SRGAP2B: variants seen among roughly 807,000 people sequenced by gnomAD.
The protein encoded by SRGAP2B is SLIT-ROBO Rho GTPase-activating protein 2B.
SRGAP2B carries 9 observed loss-of-function variants against 22.2 expected under a neutral mutation model. The ratio of observed to expected loss-of-function variants is 0.41; its 90% CI spans 0.24 to 0.71. SRGAP2B has a LOEUF of 0.71. SRGAP2B is among the 30% of genes least tolerant of loss of function. The pLI, the probability that SRGAP2B is intolerant of heterozygous loss-of-function variation, is 0.35. For missense variants in SRGAP2B, 114 were observed against 235.8 expected (o/e 0.48, Z 3.38); for synonymous variants, 36 against 87.4 (o/e 0.41, Z 3.28).
chr1:144,915,457 G>A lies in SRGAP2B; in HGVS notation c.424-703C>T, dbSNP rs1663798383. On this transcript the variant is annotated intron_variant, in intron 4 of 9. Transcript: ENST00000612199. ...ATAAACAATGAGGGCTGGGCACGGT[G>A]GCTCACACCTGTAATCCCAGCACTT... Among the ~76,000 whole-genome samples, 3 of 150,706 alleles carry A rather than the reference G, an allele frequency of 2.0e-5. 1 individual carries two copies. The highest frequency in any genetic ancestry group is 7.5e-5 in the African/African-American group (3 of 40,230).
chr1:144,912,135 G>A (rs1487082887), intron 5 of SRGAP2B, among the ~76,000 whole-genome samples: 2 of 147,280 alleles, frequency 1.4e-5, no homozygotes, highest in African/African-American at 5.2e-5. Context: ...TGTATTTTTA[G>A]TAGAGACAGG....
chr1:144,924,686 C>T (rs1447301826), intron 4 of SRGAP2B, among the ~76,000 whole-genome samples: 5 of 149,400 alleles, frequency 3.3e-5, no homozygotes, highest in Admixed American at 6.6e-5. Flanking sequence ...GAGCCAAGAT[C>T]GCACCACTGC....
intron 4 of SRGAP2B, among the ~76,000 whole-genome samples, chr1:144,929,932 T>C (rs1490705242): frequency 1.3e-5 from 2 of 149,964 alleles, no homozygotes; most frequent in Non-Finnish European, 1.5e-5. Flanking sequence ...CCTGGGCCCC[T>C]GGGCCTTAAA....
At chr1:145,088,718 ATGCCC>A (rs1653670914) in intron 2 of SRGAP2B, among the ~76,000 whole-genome samples, 1 of 141,272 alleles carries the variant, frequency 7.1e-6, no homozygotes, top group African/African-American at 2.6e-5. Context: ...CCTGGTAACC[ATGCCC>A]TGCACCTTAC....
At chr1:144,985,150 T>C (rs1333385178) in intron 3 of SRGAP2B, among the ~76,000 whole-genome samples, 1 of 128,044 alleles carries the variant, frequency 7.8e-6, no homozygotes, top group Non-Finnish European at 1.6e-5. Context: ...ATTTGTATTC[T>C]TGTATTTGAA....
chr1:144,931,521 C>T (rs1330860520), intron 4 of SRGAP2B, among the ~76,000 whole-genome samples: 2 of 150,496 alleles, frequency 1.3e-5, no homozygotes, highest in Admixed American at 1.3e-4. Flanking sequence ...ATATATTCTG[C>T]AGAAAAGGTT....
intron 3 of SRGAP2B, among the ~76,000 whole-genome samples, chr1:144,984,365 C>A (rs58774786): frequency 0.045 from 5,606 of 125,540 alleles, 371 homozygotes; most frequent in African/African-American, 0.12. Flanking sequence ...ACAACAACAA[C>A]AAAAAAAAAA....
intron 3 of SRGAP2B, among the ~76,000 whole-genome samples, chr1:144,956,428 G>GTGCTCA (rs1218825415): frequency 2.2e-5 from 3 of 136,792 alleles, no homozygotes; most frequent in East Asian, 4.1e-4. Flanking sequence ...CTAAACCAAG[G>GTGCTCA]TGCTCATTCC....
At chr1:144,994,567 T>TGTGAGAGAGA (rs72366347) in intron 3 of SRGAP2B, among the ~76,000 whole-genome samples, 5 of 122,488 alleles carry the variant, frequency 4.1e-5, no homozygotes, top group South Asian at 2.8e-4. Flanking sequence ...TGTGTGTGTG[T>TGTGAGAGAGA]GAGAGAGAGA....
intron 4 of SRGAP2B, among the ~76,000 whole-genome samples, chr1:144,922,526 A>AT (rs1664328271): frequency 2.0e-5 from 3 of 148,428 alleles, no homozygotes; most frequent in African/African-American, 7.8e-5. Flanking sequence ...AGGAAAGAAA[A>AT]CAAAAAAACA....
intron 4 of SRGAP2B, among the ~76,000 whole-genome samples, chr1:144,954,319 G>A (rs1243358133): frequency 6.6e-6 from 1 of 151,656 alleles, no homozygotes; most frequent in Non-Finnish European, 1.5e-5. Flanking sequence ...ATTAATTCCA[G>A]ATCTAGTGAA....
intron 4 of SRGAP2B, among the ~76,000 whole-genome samples, chr1:144,951,535 T>C (rs1314736401): frequency 1.3e-5 from 2 of 148,176 alleles, no homozygotes; most frequent in Non-Finnish European, 3.0e-5. Context: ...ACAGCGATGA[T>C]GACAATAGTA....
intron 4 of SRGAP2B, among the ~76,000 whole-genome samples, chr1:144,933,467 C>A (rs1157257279): frequency 1.4e-5 from 2 of 141,894 alleles, no homozygotes; most frequent in African/African-American, 5.5e-5. Context: ...ATCCTTAACT[C>A]TTTCTCCTCT....
At chr1:144,938,602 A>G (rs1665804977) in intron 4 of SRGAP2B, among the ~76,000 whole-genome samples, 1 of 149,284 alleles carries the variant, frequency 6.7e-6, no homozygotes, top group Non-Finnish European at 1.5e-5. Context: ...ACCACCCTAT[A>G]TAAAAGAGCA....
At chr1:145,045,245 C>G (rs1428658206) in intron 2 of SRGAP2B, among the ~76,000 whole-genome samples, 6 of 110,486 alleles carry the variant, frequency 5.4e-5, no homozygotes, top group African/African-American at 1.1e-4. Flanking sequence ...TGCAGCGAGC[C>G]GAGATCTAGC....
intron 2 of SRGAP2B, among the ~76,000 whole-genome samples, chr1:145,007,364 GATTGGTTAACAAA>G (rs1553621289): frequency 6.6e-6 from 1 of 150,424 alleles, no homozygotes; most frequent in Non-Finnish European, 1.5e-5. Context: ...TGGCAATGTT[GATTGGTTAACAAA>G]AAGAATCCCC....
In SRGAP2B at chr1:144,975,343, AT is replaced by A. The variant is rs1355224769; in HGVS notation, c.260+19664del. ...ATCTGGTTTGTTCCCTCCAAAACTC[AT>A]GTTGAAATTTGATTGCAATTGCAAG... is the stretch of plus-strand genomic sequence containing the variant. On this transcript the variant is annotated intron_variant, in intron 3 of 9. Transcript: ENST00000612199. 2.0e-5 allele frequency among the ~76,000 whole-genome samples: 3 copies of A among 149,206 alleles called. No homozygotes were observed. The East Asian group carries it at 5.8e-4, about 29-fold the overall frequency.
intron 4 of SRGAP2B, among the ~76,000 whole-genome samples, chr1:144,948,738 CTCTTT>C (rs1186842394): frequency 4.1e-5 from 1 of 24,540 alleles, no homozygotes; most frequent in African/African-American, 2.1e-4. Flanking sequence ...TGACCTTCCT[CTCTTT>C]TATCTGTAAT....
In SRGAP2B at chr1:144,974,906, G is replaced by T. The variant is rs587678653; in HGVS notation, c.261-19305C>A. Among the ~76,000 whole-genome samples, 250 of 148,722 alleles carry T rather than the reference G, an allele frequency of 1.7e-3. 2 individuals are homozygous for T. Among genetic ancestry groups the T allele is most frequent in the Non-Finnish European group, 1.4e-3 (94 of 67,942 alleles). On this transcript the variant is annotated intron_variant, in intron 3 of 9. Coordinates refer to ENST00000612199, the Ensembl canonical transcript of SRGAP2B. Reference sequence around the variant, plus strand: ...ATGCTGATGCTGATGCTGGATTCTTGGTTCACTAAATGCAAAAGAGGTGAT... The same window carrying T: ...ATGCTGATGCTGATGCTGGATTCTTTGTTCACTAAATGCAAAAGAGGTGAT...
Sources: gnomAD v4.1 joint callset for allele counts (sites outside exome capture counted in the v4.1 genomes callset) on GRCh38, gnomAD v4.1.1 for gene constraint, MANE v1.5 for transcripts, NCBI Gene and HGNC (gene_info 2026-07-23, HGNC 2026-07-21) for gene names.